MAG: variants seen among roughly 807,000 people sequenced by gnomAD.
MAG encodes myelin-associated glycoprotein.
A neutral mutation model predicts 60.7 loss-of-function variants in MAG; 30 were observed. The ratio of observed to expected loss-of-function variants is 0.49; its 90% CI spans 0.37 to 0.67. MAG has a LOEUF of 0.67. Among genes scored for constraint, MAG ranks in the 30% least tolerant of loss-of-function variants. The probability of loss-of-function intolerance (pLI) is 0.00; values close to 1 mark genes in which losing one functional copy is unlikely to be tolerated. For synonymous variants in MAG, 384 were observed against 376.8 expected (o/e 1.02, Z -0.22); for missense variants, 795 against 851.7 (o/e 0.93, Z 0.83).
chr19:35,307,519 G>C (rs41407744), intron 7 of MAG, among the ~76,000 whole-genome samples: 1 of 152,028 alleles, frequency 6.6e-6, no homozygotes, highest in South Asian at 2.1e-4. Context: ...TAATACAATT[G>C]CGTATTTTGG....
intron 7 of MAG, 141 bp downstream of exon 7, chr19:35,302,849 G>T: frequency 1.0e-6 from 1 of 970,038 alleles, no homozygotes; most frequent in African/African-American, 1.6e-5. Context: ...CAGGGAAGCT[G>T]AATTCACAGC....
At chr19:35,303,292 A>G (rs2066462239) in intron 7 of MAG, among the ~76,000 whole-genome samples, 2 of 152,242 alleles carry the variant, frequency 1.3e-5, no homozygotes, top group South Asian at 2.1e-4. Flanking sequence ...TAACCGAAAC[A>G]ATGACCATGA....
intron 4 of MAG, among the ~76,000 whole-genome samples, chr19:35,297,032 A>G (rs1262703119): frequency 6.7e-6 from 1 of 150,270 alleles, no homozygotes; most frequent in Non-Finnish European, 1.5e-5. Context: ...GAAATGAGGC[A>G]GGGGGATCCC....
Position 35,295,913 on chromosome 19 carries a change from A to C in MAG, c.347A>C (p.Tyr116Ser), listed in dbSNP as rs768936140. The change falls in exon 4 of 11, where the codon TAC becomes TCC. Residue 116 changes from tyrosine to serine, a missense_variant. Tyr to Ser is a moderately radical substitution (Grantham distance 144). Coordinates refer to ENST00000392213, the MANE Select transcript of MAG (RefSeq NM_002361.4). This position sits in a 1 kb window ranked among gnomAD's most constrained non-coding sequence, Gnocchi z 5.8. ...NVSPELGGKY[Y>S]FRGDLGGYNQ... ...AGCCCCGAGCTGGGCGGGAAGTACT[A>C]CTTCCGTGGGGACCTGGGCGGCTAC... is the stretch of plus-strand genomic sequence containing the variant. 6.2e-7 allele frequency: 1 copy of C among 1,613,744 alleles called. No homozygotes were observed. The highest frequency in any genetic ancestry group is 8.5e-7 in the Non-Finnish European group (1 of 1,179,906).
In MAG at chr19:35,298,963, C is replaced by A. The variant is rs907519790; in HGVS notation, c.416-591C>A. On this transcript the variant is annotated intron_variant, in intron 4 of 10. Transcript: ENST00000392213. ...ACATACCATACACAAAAACCACACA[C>A]TACACACATACATCACAAACACACC... 4.0e-5 allele frequency among the ~76,000 whole-genome samples: 6 copies of A among 151,188 alleles called. No homozygotes were observed. The East Asian group carries it at 9.7e-4, about 24-fold the overall frequency.
At chr19:35,302,730 A>C in intron 7 of MAG, 22 bp downstream of exon 7, 1 of 1,608,414 alleles carries the variant, frequency 6.2e-7, no homozygotes, top group Non-Finnish European at 8.5e-7. Context: ...CCGCTCCCCT[A>C]TGCTGGGGAT....
intron 5 of MAG, 101 bp from the exon 6 acceptor site, chr19:35,300,046 G>A: frequency 7.1e-7 from 1 of 1,405,038 alleles, no homozygotes; most frequent in East Asian, 2.5e-5. Flanking sequence ...CAAGGCTGAG[G>A]GCGGGGCCGG....
At chr19:35,308,603 A>G (rs12185485) in intron 7 of MAG, among the ~76,000 whole-genome samples, 28,353 of 152,194 alleles carry the variant, frequency 0.19, 2,718 homozygotes, top group Middle Eastern at 0.27. Flanking sequence ...AACTATCATG[A>G]GTATGACAGA....
At chr19:35,310,890 A>T (rs1401664082) in intron 9 of MAG, among the ~76,000 whole-genome samples, 2 of 152,110 alleles carry the variant, frequency 1.3e-5, no homozygotes, top group Non-Finnish European at 1.5e-5. Context: ...GTTTGCCCAC[A>T]TTCTATTTTG....
At chr19:35,304,690 G>A (rs1413860040) in intron 7 of MAG, among the ~76,000 whole-genome samples, 2 of 152,046 alleles carry the variant, frequency 1.3e-5, no homozygotes, top group African/African-American at 2.4e-5. Flanking sequence ...ACAGGCATGC[G>A]TCACCATGCC....
chr19:35,297,621 GCA>G (rs1290450689), intron 4 of MAG, among the ~76,000 whole-genome samples: 1 of 95,790 alleles, frequency 1.0e-5, no homozygotes, highest in Non-Finnish European at 2.1e-5. Flanking sequence ...ACCACACACT[GCA>G]CACACTACCC....
chr19:35,300,842 AC>A (rs1315989326), intron 6 of MAG, among the ~76,000 whole-genome samples: 1 of 152,060 alleles, frequency 6.6e-6, no homozygotes, highest in African/African-American at 2.4e-5. Context: ...CAAGCCTACT[AC>A]CCCAGCCTCC....
chr19:35,302,182 C>G (rs2066453345), intron 6 of MAG, among the ~76,000 whole-genome samples: 1 of 152,124 alleles, frequency 6.6e-6, no homozygotes, highest in South Asian at 2.1e-4. Flanking sequence ...GCCCATTTTC[C>G]AGATGAGAAA....
At chr19:35,300,477 G>T in intron 6 of MAG, 73 bp downstream of exon 6, 1 of 1,484,276 alleles carries the variant, frequency 6.7e-7, no homozygotes. Context: ...CCTCATCCAG[G>T]GCGAGCATGG....
In MAG at chr19:35,295,358, C is replaced by A; in HGVS notation, c.-23-28C>A. 1 of 1,605,558 alleles carries A rather than the reference C, an allele frequency of 6.2e-7. No individual in the cohort carries two copies. The highest frequency in any genetic ancestry group is 8.5e-7 in the Non-Finnish European group (1 of 1,174,288). On this transcript the variant is annotated intron_variant, in intron 2 of 10. Transcript: ENST00000392213. This position sits in a 1 kb window ranked among gnomAD's most constrained non-coding sequence, Gnocchi z 5.8. The stretch of plus-strand genomic sequence containing the variant: ...GAACACCCCCTTTCACTTCCCCCAG[C>A]CTTTAACCCTCTCCTCTCCCTTTCC...
At chr19:35,303,775 T>C (rs2066465281) in intron 7 of MAG, among the ~76,000 whole-genome samples, 1 of 152,116 alleles carries the variant, frequency 6.6e-6, no homozygotes. Flanking sequence ...CTCCTCACTA[T>C]GGACTGTGCC....
At chr19:35,304,248 C>A (rs576271194) in intron 7 of MAG, among the ~76,000 whole-genome samples, 1 of 152,302 alleles carries the variant, frequency 6.6e-6, no homozygotes, top group Non-Finnish European at 1.5e-5. Flanking sequence ...GCTGCGTGGT[C>A]CCCTGCTCCC....
At position 35,313,388 on chromosome 19, in the gene MAG, G is replaced by A. The variant is rs772194872; in HGVS notation, c.1815G>A (p.Arg605=). The A allele has an allele frequency of 7.4e-6, 12 of 1,613,962 alleles. 1 individual carries two copies. In the Admixed American group the frequency reaches 1.0e-4, roughly 13 times the overall value. Residue 605 remains arginine (R), a synonymous_variant, in exon 11 of 11, where the codon CGG becomes CGA. Transcript: ENST00000392213. ...ATTCTCACTCGGACCTGGGGAAACG[G>A]CCCACCAAGGACAGCTACACGCTGA... The part of the protein sequence containing the change: ...LSYSHSDLGK[R]PTKDSYTLTE...
In MAG at chr19:35,299,761, G is replaced by A; in HGVS notation, c.623G>A (p.Arg208Lys). 6.4e-7 allele frequency: 1 copy of A among 1,553,530 alleles called. No individual in the cohort carries two copies. Among genetic ancestry groups the A allele is most frequent in the Admixed American group, 1.9e-5 (1 of 52,316 alleles). ...TCACTGCTGCACTTCGTGCCCACGA[G>A]GGAGGCCAACGGCCACAGGCTGGGC... is the stretch of plus-strand genomic sequence containing the variant. ...QVSLLHFVPT[R>K]EANGHRLGCQ... The change falls in exon 5 of 11, where the codon AGG becomes AAG. Residue 208 changes from arginine (R) to lysine (K), a missense_variant. Arg to Lys is a conservative substitution (Grantham distance 26). Transcript: ENST00000392213.
Sources: allele counts gnomAD v4.1 joint callset (sites outside exome capture counted in the v4.1 genomes callset), GRCh38; gene constraint gnomAD v4.1.1; non-coding constraint Gnocchi (gnomAD v3.1); transcripts MANE v1.5; gene names NCBI Gene and HGNC (gene_info 2026-07-23, HGNC 2026-07-21).